HMMR: variants seen among roughly 807,000 people sequenced by gnomAD.
HMMR encodes the protein intracellular hyaluronic acid-binding protein.
A neutral mutation model predicts 101.0 loss-of-function variants in HMMR; 108 were observed. That is an observed-to-expected ratio of 1.07 (90% CI 0.92 to 1.25). The LOEUF (loss-of-function observed/expected upper bound fraction) is 1.25. Among genes scored for constraint, HMMR ranks in the 50% most tolerant of loss-of-function variants. The pLI is 0.00. For synonymous variants in HMMR, 296 were observed against 276.4 expected, an observed-to-expected ratio of 1.07 and a Z score of -0.70; for missense variants, 813 against 788.7, an observed-to-expected ratio of 1.03 and a Z score of -0.37.
At chr5:163,477,594 A>G (rs1014368796) in intron 11 of HMMR, among the ~76,000 whole-genome samples, 1 of 152,194 alleles carries the variant, frequency 6.6e-6, no homozygotes, top group South Asian at 2.1e-4. Flanking sequence ...TGTCATTTTA[A>G]GAGAGGAAAG....
intron 16 of HMMR, chr5:163,489,124 G>A (rs1759586955): frequency 6.6e-6 from 1 of 152,270 alleles, no homozygotes; most frequent in Admixed American, 6.5e-5. Context: ...GGAGCATGCA[G>A]CCTAGATCCC....
At position 163,463,864 on chromosome 5, in the gene HMMR, C is replaced by T; in HGVS notation, c.55C>T (p.Pro19Ser). Residue 19 changes from proline to serine, a missense_variant, in exon 2 of 18, where the codon CCA (proline) becomes TCA (serine). Pro to Ser is a moderately conservative substitution (Grantham distance 74). Coordinates refer to ENST00000393915, the MANE Select transcript of HMMR (RefSeq NM_001142556.2). ...KRFNDPSGCA[P>S]SPGAYDVKTL... is the part of the protein sequence containing the mutation. ...TTTTCTATTTCCTCTAGGTTGTGCA[C>T]CATCTCCAGGTGCTTATGATGTTAA... 2 of 1,421,716 alleles carry T rather than the reference C, an allele frequency of 1.4e-6. No individual in the cohort carries two copies. Among genetic ancestry groups the T allele is most frequent in the Non-Finnish European group, 1.9e-6 (2 of 1,065,268 alleles). The allele number at this position is 1,421,716 out of a possible 1,614,324, so 88.1% of individuals were successfully genotyped here.
intron 5 of HMMR, among the ~76,000 whole-genome samples, chr5:163,470,635 G>A (rs1206595466): frequency 6.6e-6 from 1 of 152,054 alleles, no homozygotes; most frequent in East Asian, 1.9e-4. Flanking sequence ...GACAGAGTGA[G>A]ACTCTGTCTT....
Position 163,471,242 on chromosome 5 carries a change from CTT to C in HMMR, c.521_522del (p.Leu174GlnfsTer14). ...AATTCTAAGCTTGGAGTTGATGAAA[CTT>C]AGAAACAAAAGAGAAACAAAGATGA... Reference protein sequence around the residue: ...LRILSLELMKLRNKRETKMRG... With the variant: ...LRILSLELMKXRNKRETKMRG... On this transcript the variant is annotated frameshift_variant, in exon 6 of 18. Transcript: ENST00000393915. LOFTEE classifies it high-confidence loss of function. 3 of 1,613,302 alleles carry C rather than the reference CTT, an allele frequency of 1.9e-6. No homozygotes were observed. Among genetic ancestry groups the C allele is most frequent in the Non-Finnish European group, 2.5e-6 (3 of 1,179,324 alleles).
At position 163,463,967 on chromosome 5, in the gene HMMR, A is replaced by G; in HGVS notation, c.145+13A>G. ...AAACAACAAAAAGGTAATATAGATC[A>G]CCAAAGAACAATGGTTATGTGATCT... On this transcript the variant is annotated intron_variant, in intron 2 of 17. Coordinates refer to ENST00000393915, the MANE Select transcript of HMMR (RefSeq NM_001142556.2). The G allele has an allele frequency of 1.1e-6, 1 of 881,254 alleles. No homozygotes were observed. Among genetic ancestry groups the G allele is most frequent in the Non-Finnish European group, 1.7e-6 (1 of 587,736 alleles). 54.6% of individuals were successfully genotyped at this position (881,254 alleles called of 1,614,324 possible).
intron 15 of HMMR, 135 bp from the exon 16 acceptor site, chr5:163,483,934 G>A: frequency 1.9e-6 from 1 of 535,654 alleles, no homozygotes; most frequent in Non-Finnish European, 3.3e-6. Context: ...GAGAATCTAT[G>A]GAGAGCCCTG....
In HMMR at chr5:163,484,121, G is replaced by T. The variant is rs1387127611; in HGVS notation, c.1838G>T (p.Gly613Val). 6 of 1,603,260 alleles carry T rather than the reference G, an allele frequency of 3.7e-6. No individual in the cohort carries two copies. The highest frequency in any genetic ancestry group is 5.1e-6 in the Non-Finnish European group (6 of 1,173,946). ...VEKQALLNEH[G>V]AAQEQLNKIR... ...AAACAGGCATTGTTGAATGAACATG[G>T]TGCAGCTCAGGAACAGCTAAATAAA... The change falls in exon 16 of 18, where the codon GGT (glycine) becomes GTT (valine). Residue 613 changes from glycine to valine, a missense_variant. Transcript: ENST00000393915.
chr5:163,483,177 T>C lies in HMMR; in HGVS notation c.1685+5T>C, dbSNP rs1255015537. On this transcript the variant is annotated splice_donor_5th_base_variant and intron_variant, in intron 14 of 17. Coordinates refer to ENST00000393915, the MANE Select transcript of HMMR (RefSeq NM_001142556.2). ...GCTGGAAGATGAAGAAGGAAGGTAA[T>C]CTATGATTAGAACCTGAGTGCCTTG... is the stretch of plus-strand genomic sequence containing the variant. The C allele has an allele frequency of 6.2e-7, 1 of 1,606,558 alleles. No homozygotes were observed. The highest frequency in any genetic ancestry group is 2.2e-5 in the East Asian group (1 of 44,782).
chr5:163,466,320 G>A (rs1324229145), intron 3 of HMMR, among the ~76,000 whole-genome samples: 1 of 152,092 alleles, frequency 6.6e-6, no homozygotes, highest in Non-Finnish European at 1.5e-5. Flanking sequence ...TTTTTGATGT[G>A]AAAAATATTC....
intron 16 of HMMR, 57 bp from the exon 17 acceptor site, chr5:163,490,333 A>G: frequency 1.7e-6 from 2 of 1,205,298 alleles, no homozygotes; most frequent in South Asian, 1.4e-5. Context: ...TTGGTAACAC[A>G]TTTCACTGAC....
At position 163,475,529 on chromosome 5, in the gene HMMR, T is replaced by G; in HGVS notation, c.1125T>G (p.Phe375Leu). The change falls in exon 11 of 18, where the codon TTT (phenylalanine) becomes TTG (leucine). Residue 375 changes from phenylalanine to leucine, a missense_variant. Phe to Leu is a conservative substitution (Grantham distance 22). Transcript: ENST00000393915. ...QEEMVKEKNL[F>L]EEELKQTLDE... ...AAATGGTTAAAGAGAAGAATCTGTTTGAGGAAGAATTAAAGCAAACACTGG... is the reference window on the plus strand; with the variant it reads ...AAATGGTTAAAGAGAAGAATCTGTTGGAGGAAGAATTAAAGCAAACACTGG... The G allele has an allele frequency of 3.1e-6, 5 of 1,610,294 alleles. No individual in the cohort carries two copies. The highest frequency in any genetic ancestry group is 4.2e-6 in the Non-Finnish European group (5 of 1,177,082).
chr5:163,469,560 T>C (rs933292463), intron 4 of HMMR, 81 bp from the exon 5 acceptor site: 8 of 1,160,918 alleles, frequency 6.9e-6, no homozygotes, highest in Non-Finnish European at 1.0e-5. Flanking sequence ...TTCCAGAAAC[T>C]TTAGGGGTGA....
intron 11 of HMMR, among the ~76,000 whole-genome samples, chr5:163,478,201 A>C (rs1339339984): frequency 1.3e-5 from 2 of 152,218 alleles, no homozygotes; most frequent in African/African-American, 4.8e-5. Flanking sequence ...AGAAGTTATT[A>C]AGTCTTTCAG....
rs565212656 is a variant in HMMR, at chr5:163,460,743, G to GT, written c.46+6dup. ...AACGATTCAATGACCCTTCTGGTGCGTAAGGGGGAAAGAGCTGGGGGACGG... is the reference window on the plus strand; with the variant it reads ...AACGATTCAATGACCCTTCTGGTGCGTTAAGGGGGAAAGAGCTGGGGGACGG... On this transcript the variant is annotated splice_donor_region_variant and intron_variant, in intron 1 of 17. Coordinates refer to ENST00000393915, the MANE Select transcript of HMMR (RefSeq NM_001142556.2). 4.4e-6 allele frequency: 7 copies of GT among 1,606,202 alleles called. No homozygotes were observed. In the South Asian group the frequency reaches 5.6e-5, roughly 13 times the overall value.
Position 163,469,681 on chromosome 5 carries a change from G to A in HMMR, c.314G>A (p.Arg105Gln), listed in dbSNP as rs563996070. ...LLQERGAQDR[R>Q]IQDLETELEK... Reference sequence around the variant, plus strand: ...CAGGAACGTGGTGCCCAGGACAGGCGGATCCAGGATCTGGAAACTGAGTTG... The same window carrying A: ...CAGGAACGTGGTGCCCAGGACAGGCAGATCCAGGATCTGGAAACTGAGTTG... Residue 105 changes from arginine (R) to glutamine (Q), a missense_variant, in exon 5 of 18, where the codon CGG becomes CAG. Arg to Gln is a conservative substitution (Grantham distance 43). Transcript: ENST00000393915. 61 of 1,613,904 alleles carry A rather than the reference G, an allele frequency of 3.8e-5. No homozygotes were observed. The East Asian group carries it at 8.7e-4, about 23-fold the overall frequency.
At position 163,475,477 on chromosome 5, in the gene HMMR, A is replaced by G; in HGVS notation, c.1073A>G (p.His358Arg). 6.3e-7 allele frequency: 1 copy of G among 1,595,480 alleles called. No homozygotes were observed. Among genetic ancestry groups the G allele is most frequent in the South Asian group, 1.1e-5 (1 of 88,256 alleles). Residue 358 changes from histidine to arginine, a missense_variant, in exon 11 of 18, where the codon CAT becomes CGT. Physicochemically the swap from His to Arg is conservative, Grantham distance 29. Transcript: ENST00000393915. ...ATATAGGAATTATCTTCGAGTCTTC[A>G]TCAGAAGCTCTGTTCTTTTCAAGAG... ...QQEKELSSSLHQKLCSFQEEM... is the reference protein window; with the variant it reads ...QQEKELSSSLRQKLCSFQEEM...
rs199936654 is a variant in HMMR, at chr5:163,464,719, G to A, written c.146-4G>A. ...CATGATCTGTACAATTCATTTTTCC[G>A]CAGAATCTAAACAAAATCTTAATGT... On this transcript the variant is annotated splice_region_variant and splice_polypyrimidine_tract_variant and intron_variant, in intron 2 of 17. Transcript: ENST00000393915. The A allele has an allele frequency of 1.2e-3, 1,950 of 1,596,812 alleles. No individual in the cohort carries two copies. The highest frequency in any genetic ancestry group is 1.6e-3 in the Middle Eastern group (9 of 5,570).
At chr5:163,470,158 A>T (rs1052902068) in intron 5 of HMMR, among the ~76,000 whole-genome samples, 10 of 152,098 alleles carry the variant, frequency 6.6e-5, no homozygotes, top group Admixed American at 5.2e-4. Context: ...AGAGAGTGCG[A>T]CTCCATCTCA....
In HMMR at chr5:163,460,710, G is replaced by T; in HGVS notation, c.18G>T (p.Ala6=). The change falls in exon 1 of 18, where the codon GCG becomes GCT. Residue 6 remains alanine, a synonymous_variant. Transcript: ENST00000393915. The stretch of plus-strand genomic sequence containing the variant: ...CCGTCAACATGTCCTTTCCTAAGGC[G>T]CCCTTGAAACGATTCAATGACCCTT... MSFPK[A]PLKRFNDPSG... is the part of the protein sequence containing the mutation. 1 of 1,608,250 alleles carries T rather than the reference G, an allele frequency of 6.2e-7. No homozygotes were observed. Among genetic ancestry groups the T allele is most frequent in the Non-Finnish European group, 8.5e-7 (1 of 1,177,332 alleles).
Sources: gnomAD v4.1 joint callset for allele counts (sites outside exome capture counted in the v4.1 genomes callset) on GRCh38, gnomAD v4.1.1 for gene constraint, MANE v1.5 for transcripts, NCBI Gene and HGNC (gene_info 2026-07-23, HGNC 2026-07-21) for gene names.